The following MAML3 variants were observed in gnomAD, a reference collection of about 807,000 sequenced individuals.
MAML3 encodes mastermind like transcriptional coactivator 3.
A neutral mutation model predicts 101.9 loss-of-function variants in MAML3; 27 were observed. The ratio of observed to expected loss-of-function variants is 0.27; its 90% CI spans 0.20 to 0.37. The LOEUF is 0.37. Ranked by LOEUF, MAML3 falls within the 10% of genes least tolerant of loss-of-function variation. The pLI, the probability that MAML3 is intolerant of heterozygous loss-of-function variation, is 1.00. For missense variants in MAML3, 1,316 were observed against 1,444.9 expected (o/e 0.91, Z 1.45); for synonymous variants, 501 against 555.9 (o/e 0.90, Z 1.39).
chr4:140,078,368 G>A (rs1430127457), intron 1 of MAML3, among the ~76,000 whole-genome samples: 1 of 152,280 alleles, frequency 6.6e-6, no homozygotes, highest in African/African-American at 2.4e-5. Context: ...AGAAAAATAG[G>A]ACTCTTTTAA....
At chr4:139,779,227 T>G (rs1730155292) in intron 2 of MAML3, among the ~76,000 whole-genome samples, 1 of 152,056 alleles carries the variant, frequency 6.6e-6, no homozygotes, top group Admixed American at 6.6e-5. Flanking sequence ...CCTAAAGAGC[T>G]GAGGAATAGT....
intron 1 of MAML3, among the ~76,000 whole-genome samples, chr4:139,939,553 C>A (rs988095019): frequency 2.6e-5 from 4 of 152,144 alleles, no homozygotes; most frequent in African/African-American, 9.7e-5. Flanking sequence ...CTATTCTCAA[C>A]AAGGGGGTCT....
intron 1 of MAML3, among the ~76,000 whole-genome samples, chr4:139,982,499 A>G (rs1321240112): frequency 5.3e-5 from 8 of 152,154 alleles, no homozygotes; most frequent in Non-Finnish European, 1.2e-4. Flanking sequence ...TTGTTGCTGT[A>G]GTGTCATTTC....
intron 1 of MAML3, among the ~76,000 whole-genome samples, chr4:139,922,464 G>C (rs1438743603): frequency 6.6e-6 from 1 of 150,774 alleles, no homozygotes; most frequent in Non-Finnish European, 1.5e-5. Flanking sequence ...CTAACCTCAA[G>C]CTAATGATAC....
chr4:140,105,323 C>G (rs1728333297), intron 1 of MAML3, among the ~76,000 whole-genome samples: 1 of 152,128 alleles, frequency 6.6e-6, no homozygotes, highest in African/African-American at 2.4e-5. Flanking sequence ...CCAGATTTAC[C>G]CAGCGGTGAA....
intron 1 of MAML3, among the ~76,000 whole-genome samples, chr4:140,098,437 G>A (rs1050371222): frequency 5.3e-5 from 8 of 152,166 alleles, no homozygotes; most frequent in Admixed American, 2.0e-4. Context: ...CATGCATTTA[G>A]TAAATATTTA....
chr4:140,111,453 C>T (rs992748277), intron 1 of MAML3, among the ~76,000 whole-genome samples: 5 of 152,194 alleles, frequency 3.3e-5, no homozygotes, highest in African/African-American at 1.2e-4. Flanking sequence ...TTAACATGGC[C>T]AATCCAGGAC....
chr4:139,761,333 C>A (rs556502320), intron 2 of MAML3, among the ~76,000 whole-genome samples: 1 of 152,264 alleles, frequency 6.6e-6, no homozygotes, highest in South Asian at 2.1e-4. Context: ...CAGAATGGAC[C>A]ATGGAACAGG....
chr4:139,784,920 A>C (rs1285080008), intron 2 of MAML3, among the ~76,000 whole-genome samples: 1 of 151,886 alleles, frequency 6.6e-6, no homozygotes, highest in Admixed American at 6.6e-5. Flanking sequence ...AATGATAGAC[A>C]TTGGAGACGA....
At chr4:139,720,805 A>C (rs2110957368) in intron 4 of MAML3, among the ~76,000 whole-genome samples, 1 of 152,366 alleles carries the variant, frequency 6.6e-6, no homozygotes, top group African/African-American at 2.4e-5. Flanking sequence ...AATTAGAAAG[A>C]AATGGCTGAT....
At chr4:139,879,999 C>T (rs946821548) in intron 2 of MAML3, among the ~76,000 whole-genome samples, 2 of 151,948 alleles carry the variant, frequency 1.3e-5, no homozygotes, top group African/African-American at 4.8e-5. Context: ...ACAGTGAAAC[C>T]CCATCTCTAC....
chr4:139,889,810 C>A lies in MAML3; in HGVS notation c.1626G>T (p.Met542Ile). Reference protein sequence around the residue: ...FTAEKPNSPMMYPQAFNNQNP... With the variant: ...FTAEKPNSPMIYPQAFNNQNP... ...TTTGGTTGTTAAAGGCTTGGGGGTA[C>A]ATCATTGGGCTATTTGGTTTTTCTG... The change falls in exon 2 of 5, where the codon ATG becomes ATT. Residue 542 changes from methionine (M) to isoleucine (I), a missense_variant. Transcript: ENST00000509479. The A allele has an allele frequency of 6.2e-7, 1 of 1,613,914 alleles. No individual in the cohort carries two copies. Among genetic ancestry groups the A allele is most frequent in the Non-Finnish European group, 8.5e-7 (1 of 1,179,876 alleles).
intron 2 of MAML3, among the ~76,000 whole-genome samples, chr4:139,816,680 A>AT (rs1023196132): frequency 6.6e-6 from 1 of 152,098 alleles, no homozygotes; most frequent in Non-Finnish European, 1.5e-5. Context: ...ATCCAGTTCA[A>AT]TTTAATAGAT....
chr4:139,793,837 G>A (rs777911517), intron 2 of MAML3, among the ~76,000 whole-genome samples: 4 of 152,184 alleles, frequency 2.6e-5, no homozygotes, highest in Non-Finnish European at 4.4e-5. Flanking sequence ...ATATTCCAAT[G>A]GTGTTCAATG....
intron 1 of MAML3, among the ~76,000 whole-genome samples, chr4:139,996,647 G>A (rs992749710): frequency 6.6e-6 from 1 of 151,334 alleles, no homozygotes; most frequent in East Asian, 1.9e-4. Flanking sequence ...TATGTTTTGA[G>A]TCAAAAGTAA....
chr4:139,733,119 T>C (rs943015852), intron 2 of MAML3, among the ~76,000 whole-genome samples: 1 of 152,236 alleles, frequency 6.6e-6, no homozygotes, highest in African/African-American at 2.4e-5. Flanking sequence ...TTGGCACCTT[T>C]AGGGACAAAT....
At chr4:140,152,360 G>C (rs1446571418) in intron 1 of MAML3, among the ~76,000 whole-genome samples, 3 of 152,188 alleles carry the variant, frequency 2.0e-5, no homozygotes, top group African/African-American at 7.2e-5. Flanking sequence ...TGAGGGCCTG[G>C]TGCCCGCCCA....
chr4:140,004,475 C>G (rs1578638725), intron 1 of MAML3, among the ~76,000 whole-genome samples: 1 of 152,026 alleles, frequency 6.6e-6, no homozygotes, highest in African/African-American at 2.4e-5. Flanking sequence ...TTCTGAGCGT[C>G]TACTTCACCT....
intron 2 of MAML3, among the ~76,000 whole-genome samples, chr4:139,809,887 C>T (rs539446878): frequency 6.6e-6 from 1 of 152,040 alleles, no homozygotes; most frequent in East Asian, 1.9e-4. Context: ...CACACACACA[C>T]ACACACACAC....
Sources: gnomAD v4.1 joint callset for allele counts (sites outside exome capture counted in the v4.1 genomes callset) on GRCh38, gnomAD v4.1.1 for gene constraint, MANE v1.5 for transcripts, NCBI Gene and HGNC (gene_info 2026-07-23, HGNC 2026-07-21) for gene names.